The following PRH1 variants were observed in gnomAD, a reference collection of about 807,000 sequenced individuals.
The protein encoded by PRH1 is salivary acidic proline-rich phosphoprotein 1/2.
A neutral mutation model predicts 7.9 loss-of-function variants in PRH1; 7 were observed. The observed-to-expected ratio is 0.89, with a 90% CI of 0.50 to 1.67. PRH1 has a LOEUF of 1.67. Among genes scored for constraint, PRH1 ranks in the 40% most tolerant of loss-of-function variants. The pLI is 0.00. For synonymous variants in PRH1, 45 were observed against 80.8 expected, an observed-to-expected ratio of 0.56 and a Z score of 2.38; for missense variants, 109 against 223.6, an observed-to-expected ratio of 0.49 and a Z score of 3.27.
chr12:11,061,781 T>A (rs377597598), intron 1 of PRH1: 1 of 1,614,152 alleles, frequency 6.2e-7, no homozygotes, highest in Non-Finnish European at 8.5e-7. Flanking sequence ...GAAAGGTACA[T>A]TGCACTCCTC....
At chr12:10,940,485 T>C (rs1245432053) in intron 2 of PRH1, among the ~76,000 whole-genome samples, 5 of 152,250 alleles carry the variant, frequency 3.3e-5, no homozygotes, top group Admixed American at 6.5e-5. Context: ...AAAGCAGTCA[T>C]TGTGTTTGAA....
chr12:11,000,246 T>C (rs1410847181), intron 1 of PRH1, among the ~76,000 whole-genome samples: 1 of 152,158 alleles, frequency 6.6e-6, no homozygotes, highest in African/African-American at 2.4e-5. Context: ...TCAGTCAACA[T>C]TCATTTAGAA....
In PRH1 at chr12:10,910,426, G is replaced by A. The variant is rs371607228; in HGVS notation, c.-58-26151C>T. On this transcript the variant is annotated intron_variant, in intron 2 of 3. Transcript: ENST00000539853. ...CGCTCGAGCCCAAAAGTTTGAGACC[G>A]GCCTGGGCAACATAGGGAGACCCTG... 9.2e-5 allele frequency among the ~76,000 whole-genome samples: 14 copies of A among 152,080 alleles called. No homozygotes were observed. The East Asian group carries it at 1.5e-3, about 17-fold the overall frequency.
At chr12:10,932,427 A>AG (rs934039180) in intron 2 of PRH1, 42 of 175,588 alleles carry the variant, frequency 2.4e-4, no homozygotes, top group Non-Finnish European at 2.6e-4. Flanking sequence ...GTTTCCAGCA[A>AG]GCTTCTTTCC....
At chr12:10,940,228 A>G (rs1005544393) in intron 2 of PRH1, among the ~76,000 whole-genome samples, 2 of 152,160 alleles carry the variant, frequency 1.3e-5, no homozygotes, top group Non-Finnish European at 2.9e-5. Context: ...GCACACACAC[A>G]AACACACAAA....
chr12:11,061,503 G>A (rs561938546), intron 1 of PRH1: 118 of 1,614,096 alleles, frequency 7.3e-5, no homozygotes, highest in East Asian at 8.9e-5. Context: ...CAATAGCTTC[G>A]CAGAACATGA....
Position 11,166,003 on chromosome 12 carries a change from A to G in PRH1, n.39+5419T>C, listed in dbSNP as rs866467106. 5.9e-5 allele frequency: 9 copies of G among 152,196 alleles called. 1 individual carries two copies. Among genetic ancestry groups the G allele is most frequent in the Admixed American group, 3.3e-4 (5 of 15,280 alleles). 9.4% of individuals were successfully genotyped at this position (152,196 alleles called of 1,614,324 possible). On this transcript the variant is annotated intron_variant and non_coding_transcript_variant, in intron 1 of 1. Transcript: ENST00000541175. ...CTCTAGCAACTGCCCCTGTCTACGT[A>G]CCTTTGCCTCAGACGTGGGACTTTT...
chr12:11,143,220 G>A (rs982358241), intron 1 of PRH1, among the ~76,000 whole-genome samples: 1 of 152,198 alleles, frequency 6.6e-6, no homozygotes, highest in Non-Finnish European at 1.5e-5. Flanking sequence ...TTAAGGTGTA[G>A]AGTCTTCATT....
intron 2 of PRH1, among the ~76,000 whole-genome samples, chr12:10,934,882 A>C (rs1227858742): frequency 6.6e-6 from 1 of 152,134 alleles, no homozygotes; most frequent in Admixed American, 6.6e-5. Context: ...TCTCTTCACA[A>C]TTTGCTTATT....
At chr12:11,102,211 C>A (rs576465324) in intron 1 of PRH1, among the ~76,000 whole-genome samples, 124 of 152,156 alleles carry the variant, frequency 8.1e-4, no homozygotes, top group African/African-American at 2.7e-3. Context: ...TCATATGGAA[C>A]CAAAAAAGAG....
At chr12:11,171,504 C>A, upstream of PRH1, 1 of 1,232,388 alleles carries the variant, frequency 8.1e-7, no homozygotes, top group East Asian at 3.2e-5. Context: ...CATGAACTTC[C>A]CGTACTTCTA....
intron 1 of PRH1, among the ~76,000 whole-genome samples, chr12:11,129,524 C>CT (rs945510369): frequency 7.9e-5 from 12 of 152,410 alleles, no homozygotes; most frequent in Middle Eastern, 3.4e-3. Flanking sequence ...GGATGGTAGT[C>CT]TTTTCTATAA....
chr12:10,939,313 T>A, intron 2 of PRH1: 1 of 660,612 alleles, frequency 1.5e-6, no homozygotes, highest in Non-Finnish European at 2.4e-6. Context: ...CAATAATATA[T>A]TCCCTTTAAA....
At chr12:11,033,638 G>A (rs1177285089) in intron 1 of PRH1, among the ~76,000 whole-genome samples, 2 of 152,116 alleles carry the variant, frequency 1.3e-5, no homozygotes, top group Non-Finnish European at 2.9e-5. Flanking sequence ...GGAAAGATCT[G>A]GGGGTGGCAG....
At chr12:11,147,129 T>C (rs1017301641) in intron 1 of PRH1, among the ~76,000 whole-genome samples, 7 of 149,504 alleles carry the variant, frequency 4.7e-5, no homozygotes, top group Admixed American at 3.3e-4. Context: ...GCATTGACTA[T>C]ATTAATCTAG....
At chr12:10,899,895 C>A (rs1365347159) in intron 2 of PRH1, among the ~76,000 whole-genome samples, 1 of 152,128 alleles carries the variant, frequency 6.6e-6, no homozygotes, top group Non-Finnish European at 1.5e-5. Flanking sequence ...AATAGAAAAT[C>A]TTAGTGTCTA....
intron 1 of PRH1, among the ~76,000 whole-genome samples, chr12:11,011,235 C>G (rs1464829980): frequency 6.6e-6 from 1 of 152,064 alleles, no homozygotes; most frequent in Non-Finnish European, 1.5e-5. Context: ...AAGGTCCTGA[C>G]CTTAAATTCT....
chr12:11,089,985 T>A (rs1329186262), intron 1 of PRH1, among the ~76,000 whole-genome samples: 1 of 117,200 alleles, frequency 8.5e-6, no homozygotes, highest in Non-Finnish European at 2.0e-5. Context: ...GGGGAATTCA[T>A]GCAACTGCAG....
intron 2 of PRH1, among the ~76,000 whole-genome samples, chr12:10,925,767 A>G (rs555406238): frequency 6.6e-6 from 1 of 152,204 alleles, no homozygotes; most frequent in Non-Finnish European, 1.5e-5. Flanking sequence ...TCTGAACCTC[A>G]TTCCTTCTCA....
Sources: allele counts gnomAD v4.1 joint callset (sites outside exome capture counted in the v4.1 genomes callset), GRCh38; gene constraint gnomAD v4.1.1; transcripts MANE v1.5; gene names NCBI Gene and HGNC (gene_info 2026-07-23, HGNC 2026-07-21).